Variants in LMO7 observed in about 807,000 individuals in gnomAD.
The protein encoded by LMO7 is LIM domain 7.
LMO7 carries 120 observed loss-of-function variants against 206.5 expected under a neutral mutation model. That is an observed-to-expected ratio of 0.58 (90% confidence interval 0.50 to 0.68). LMO7 has a LOEUF of 0.68. Ranked by LOEUF, LMO7 falls within the 30% of genes least tolerant of loss-of-function variation. LMO7 has a pLI of 0.00. For synonymous variants in LMO7, 706 were observed against 681.5 expected (o/e 1.04, Z -0.56); for missense variants, 1,959 against 1,957.9 (o/e 1.00, Z -0.01).
chr13:75,784,580 T>G (rs531941049), intron 4 of LMO7, among the ~76,000 whole-genome samples: 48 of 152,314 alleles, frequency 3.2e-4, no homozygotes, highest in African/African-American at 1.1e-3. Flanking sequence ...ACACAGCACA[T>G]TTAATATATA....
intron 1 of LMO7, among the ~76,000 whole-genome samples, chr13:75,694,086 GT>G: frequency 1.3e-5 from 2 of 152,296 alleles, no homozygotes; most frequent in Middle Eastern, 6.8e-3. Flanking sequence ...AAAAAGATGT[GT>G]AAAATCTTTA....
chr13:75,635,709 G>C (rs1487805963), upstream of LMO7: 7 of 152,342 alleles, frequency 4.6e-5, no homozygotes, highest in African/African-American at 1.7e-4. Context: ...GCCGGGCGGA[G>C]CGGGGCCGAA....
chr13:75,808,293 C>A (rs1012187232), intron 10 of LMO7, 94 bp downstream of exon 10: 1 of 1,351,582 alleles, frequency 7.4e-7, no homozygotes, highest in Non-Finnish European at 9.9e-7. Flanking sequence ...TTGCTCAACT[C>A]TGCATGTCGC....
chr13:75,648,738 A>G (rs2037280954), intron 1 of LMO7, among the ~76,000 whole-genome samples: 1 of 152,218 alleles, frequency 6.6e-6, no homozygotes, highest in African/African-American at 2.4e-5. Context: ...GAAGGGAACA[A>G]TAGAGCACTT....
At chr13:75,696,216 A>G (rs957021811) in intron 1 of LMO7, among the ~76,000 whole-genome samples, 6 of 152,126 alleles carry the variant, frequency 3.9e-5, no homozygotes, top group Non-Finnish European at 5.9e-5. Context: ...TGAGCCGGGC[A>G]TGGTGGTGTG....
chr13:75,804,339 AATAAAG>A lies in LMO7; in HGVS notation c.715_720del (p.Lys239_Asp240del). The A allele has an allele frequency of 1.2e-6, 2 of 1,613,972 alleles. No individual in the cohort carries two copies. The highest frequency in any genetic ancestry group is 1.7e-6 in the Non-Finnish European group (2 of 1,179,810). On this transcript the variant is annotated inframe_deletion, in exon 8 of 31. Transcript: ENST00000377534. ...ATTTACATTTAAGATGCAGGATTAT[AATAAAG>A]ATGATATGTCGTATCGAAGGATTTC...
At chr13:75,733,268 G>A (rs2045452326) in intron 3 of LMO7, among the ~76,000 whole-genome samples, 2 of 152,250 alleles carry the variant, frequency 1.3e-5, no homozygotes, top group Admixed American at 1.3e-4. Context: ...TTGAGCTGTG[G>A]TGGGCTCCAC....
At chr13:75,736,095 T>C (rs865889183) in intron 3 of LMO7, among the ~76,000 whole-genome samples, 1 of 152,240 alleles carries the variant, frequency 6.6e-6, no homozygotes. Context: ...AAAGCACAAA[T>C]GTATTTTATT....
chr13:75,776,218 A>T (rs2050478318), intron 4 of LMO7, among the ~76,000 whole-genome samples: 1 of 95,890 alleles, frequency 1.0e-5, no homozygotes, highest in African/African-American at 3.6e-5. Flanking sequence ...GTTAAGTCGT[A>T]GTAAGTGATT....
chr13:75,705,938 G>A (rs1479667419), intron 1 of LMO7, among the ~76,000 whole-genome samples: 12 of 151,954 alleles, frequency 7.9e-5, no homozygotes, highest in Admixed American at 7.9e-4. Context: ...TGGCAAAACA[G>A]ACATTTATCT....
intron 5 of LMO7, 30 bp from the exon 6 acceptor site, chr13:75,796,606 T>A: frequency 7.2e-7 from 1 of 1,392,084 alleles, no homozygotes; most frequent in Non-Finnish European, 1.0e-6. Context: ...TCGACTGATC[T>A]TGTTGTTCAT....
At chr13:75,636,794 C>G in intron 1 of LMO7, 68 bp downstream of exon 1, 1 of 1,447,916 alleles carries the variant, frequency 6.9e-7, no homozygotes, top group Non-Finnish European at 9.5e-7. Context: ...CGCGAGGTGA[C>G]TGCAGCCCCA....
At position 75,687,485 on chromosome 13, in the gene LMO7, C is replaced by T. The variant is rs558257209; in HGVS notation, c.70-25697C>T. Among the ~76,000 whole-genome samples, 9 of 152,210 alleles carry T rather than the reference C, an allele frequency of 5.9e-5. No individual in the cohort carries two copies. The South Asian group carries it at 1.9e-3, about 32-fold the overall frequency. ...CTGACTTTATACTTGTCTTCCTCTC[C>T]ATTTTTCTCTACTTGGTTAACTCCA... On this transcript the variant is annotated intron_variant, in intron 1 of 30. Transcript: ENST00000377534.
At chr13:75,847,135 G>A (rs1319936181) in intron 26 of LMO7, among the ~76,000 whole-genome samples, 1 of 151,950 alleles carries the variant, frequency 6.6e-6, no homozygotes, top group African/African-American at 2.4e-5. Flanking sequence ...CTTTGGTCTT[G>A]CTCATTGCTT....
At chr13:75,816,938 G>T in intron 11 of LMO7, 1 of 394,228 alleles carries the variant, frequency 2.5e-6, no homozygotes, top group Admixed American at 4.3e-5. Context: ...GACTTGTATA[G>T]GGCTAATCTA....
At chr13:75,699,465 G>T (rs2042131182) in intron 1 of LMO7, among the ~76,000 whole-genome samples, 1 of 148,902 alleles carries the variant, frequency 6.7e-6, no homozygotes, top group East Asian at 2.0e-4. Flanking sequence ...TTCAATGTAG[G>T]TTATTTTCTA....
intron 2 of LMO7, among the ~76,000 whole-genome samples, chr13:75,624,676 A>G (rs747807353): frequency 3.3e-5 from 5 of 152,224 alleles, no homozygotes; most frequent in Non-Finnish European, 7.3e-5. Context: ...CTCACATGGC[A>G]TCAGACAAGA....
At chr13:75,681,718 G>GTATATATATATATA (rs71127572) in intron 1 of LMO7, among the ~76,000 whole-genome samples, 1,578 of 103,868 alleles carry the variant, frequency 0.015, 55 homozygotes, top group Admixed American at 0.026. Flanking sequence ...ATATATATAT[G>GTATATATATATATA]TATATATATA....
Position 75,804,865 on chromosome 13 carries a change from G to C in LMO7, c.914+324G>C, listed in dbSNP as rs76673331. ...GTTTTTCCTTTTTTGATTGATCTTA[G>C]TGGACATGAAAAGAATCCTTTAATT... On this transcript the variant is annotated intron_variant, in intron 8 of 30. Transcript: ENST00000377534. 1.2e-3 allele frequency: 1,231 copies of C among 1,047,428 alleles called. 9 individuals carry two copies. The African/African-American group carries it at 0.019, about 16-fold the overall frequency. The allele number at this position is 1,047,428 out of a possible 1,614,324, so 64.9% of individuals were successfully genotyped here.
Sources: gnomAD v4.1 joint callset for allele counts (sites outside exome capture counted in the v4.1 genomes callset) on GRCh38, gnomAD v4.1.1 for gene constraint, MANE v1.5 for transcripts, NCBI Gene and HGNC (gene_info 2026-07-23, HGNC 2026-07-21) for gene names.